SYNE2: variants seen among roughly 807,000 people sequenced by gnomAD.
SYNE2 encodes nesprin-2.
A neutral mutation model predicts 856.3 loss-of-function variants in SYNE2; 431 were observed. The observed-to-expected ratio is 0.50, with a 90% CI of 0.47 to 0.55. The LOEUF is 0.55. SYNE2 is among the 20% of genes least tolerant of loss of function. SYNE2 has a pLI of 0.00. For synonymous variants in SYNE2, 2,923 were observed against 2,872.3 expected, an observed-to-expected ratio of 1.02 and a Z score of -0.56; for missense variants, 8,129 against 8,023.2, an observed-to-expected ratio of 1.01 and a Z score of -0.50.
In SYNE2 at chr14:64,224,404, A is replaced by G; in HGVS notation, c.20383-57A>G. ...AAGGTAGGGGAGGGTGAGCTATATC[A>G]TGAAGAATATGCATGAAACACATTT... On this transcript the variant is annotated intron_variant, in intron 113 of 115. Coordinates refer to ENST00000555002, the MANE Select transcript of SYNE2 (RefSeq NM_182914.3). 3.1e-6 allele frequency: 4 copies of G among 1,298,496 alleles called. 1 individual carries two copies. The East Asian group carries it at 9.0e-5, about 29-fold the overall frequency. The allele number at this position is 1,298,496 out of a possible 1,614,324, so 80.4% of individuals were successfully genotyped here. A position where few individuals can be genotyped will look rare whatever the true frequency, so the allele number is the denominator to read the frequency against.
Position 63,983,774 on chromosome 14 carries a change from A to C in SYNE2, c.2039A>C (p.Gln680Pro). 6.2e-7 allele frequency: 1 copy of C among 1,613,300 alleles called. No individual in the cohort carries two copies. The highest frequency in any genetic ancestry group is 8.5e-7 in the Non-Finnish European group (1 of 1,179,458). The stretch of plus-strand genomic sequence containing the variant: ...CCACTGATGATAAAAAAACAGGATC[A>C]GCCCACTTTTGACAATTCTGGAAAT... ...NLPLMIKKQD[Q>P]PTFDNSGNIL... is the part of the protein sequence containing the mutation. The change falls in exon 18 of 116, where the codon CAG becomes CCG. Residue 680 changes from glutamine to proline, a missense_variant. Gln to Pro is a moderately conservative substitution (Grantham distance 76). This residue lies in a region of SYNE2 where 2,422 missense variants were observed against 2,357.4 expected (regional missense o/e 1.03). Transcript: ENST00000555002.
intron 61 of SYNE2, among the ~76,000 whole-genome samples, chr14:64,095,803 C>A (rs979732617): frequency 6.6e-6 from 1 of 152,058 alleles, no homozygotes; most frequent in Non-Finnish European, 1.5e-5. Flanking sequence ...AAAAATGTTG[C>A]CTCCCCTCCC....
chr14:63,998,410 A>G lies in SYNE2; in HGVS notation c.3353+82A>G, dbSNP rs2096729200. 7 of 951,588 alleles carry G rather than the reference A, an allele frequency of 7.4e-6. No homozygotes were observed. The East Asian group carries it at 1.6e-4, about 21-fold the overall frequency. The allele number at this position is 951,588 out of a possible 1,614,324, so 58.9% of individuals were successfully genotyped here. On this transcript the variant is annotated intron_variant, in intron 26 of 115. Transcript: ENST00000555002. ...ACATGTTAGACTTTTTAAAAGTTTT[A>G]TTTTCATTTAGTCGTCATTTTGCAT...
At chr14:63,912,155 G>A (rs182282432) in intron 2 of SYNE2, among the ~76,000 whole-genome samples, 1 of 152,066 alleles carries the variant, frequency 6.6e-6, no homozygotes. Context: ...TAAGATGAAG[G>A]CTTTACGGCG....
intron 1 of SYNE2, among the ~76,000 whole-genome samples, chr14:63,869,659 A>G (rs923742073): frequency 1.3e-5 from 2 of 150,058 alleles, no homozygotes; most frequent in Admixed American, 6.7e-5. Flanking sequence ...AAAAAAAAAA[A>G]CTGCTCCCAA....
At chr14:63,903,958 C>T (rs139765244) in intron 1 of SYNE2, among the ~76,000 whole-genome samples, 42 of 152,140 alleles carry the variant, frequency 2.8e-4, no homozygotes, top group African/African-American at 9.4e-4. Flanking sequence ...TGTTTTTCAA[C>T]CCATGCTCCC....
intron 70 of SYNE2, among the ~76,000 whole-genome samples, chr14:64,123,897 T>A (rs2097916763): frequency 6.6e-6 from 1 of 151,882 alleles, no homozygotes; most frequent in African/African-American, 2.4e-5. Context: ...CCACCTTTTT[T>A]TTTTTTTTTT....
At position 63,976,540 on chromosome 14, in the gene SYNE2, CTT is replaced by C. The variant is rs34440267; in HGVS notation, c.1129-5_1129-4del. ...GAAAAGTTCTACTGAAGAATATGTT[CTT>C]TTTTTTTTTTTTTTTTTCAGATTAA... On this transcript the variant is annotated intron_variant, in intron 11 of 115. Transcript: ENST00000555002. 142,137 of 1,327,280 alleles carry C rather than the reference CTT, an allele frequency of 0.11. 725 individuals carry two copies. Among genetic ancestry groups the C allele is most frequent in the African/African-American group, 0.17 (9,501 of 56,276 alleles). The allele number at this position is 1,327,280 out of a possible 1,614,324, so 82.2% of individuals were successfully genotyped here.
intron 98 of SYNE2, 89 bp downstream of exon 98, chr14:64,188,797 A>C: frequency 7.3e-7 from 1 of 1,374,018 alleles, no homozygotes; most frequent in Non-Finnish European, 1.0e-6. Flanking sequence ...GGGCAATGTT[A>C]CGGGTGTTTC....
chr14:64,055,155 T>G (rs2097258674), intron 48 of SYNE2, among the ~76,000 whole-genome samples: 1 of 152,148 alleles, frequency 6.6e-6, no homozygotes, highest in Admixed American at 6.5e-5. Context: ...GCAGAGAAAT[T>G]AGTTTAAAAA....
intron 57 of SYNE2, among the ~76,000 whole-genome samples, chr14:64,083,643 T>C (rs972736160): frequency 1.3e-5 from 2 of 152,204 alleles, no homozygotes; most frequent in African/African-American, 4.8e-5. Flanking sequence ...CCCAAATAAC[T>C]AGTCCTATGT....
chr14:63,806,871 TA>T (rs1302129620), intron 1 of SYNE2, among the ~76,000 whole-genome samples: 37 of 150,602 alleles, frequency 2.5e-4, no homozygotes, highest in African/African-American at 6.3e-4. Flanking sequence ...TTTTTAAACT[TA>T]AAATTTTTTT....
chr14:63,761,642 CTAA>C (rs1186366397), upstream of SYNE2, among the ~76,000 whole-genome samples: 3 of 152,178 alleles, frequency 2.0e-5, no homozygotes, highest in Admixed American at 2.0e-4. Flanking sequence ...GAATACTTCT[CTAA>C]TGAGGGACTT....
At chr14:64,066,686 T>C (rs1370098337) in intron 51 of SYNE2, among the ~76,000 whole-genome samples, 1 of 152,238 alleles carries the variant, frequency 6.6e-6, no homozygotes, top group Non-Finnish European at 1.5e-5. Flanking sequence ...ACACTTTTGG[T>C]TGGGGCTGCT....
At chr14:64,123,562 G>A (rs2097914354) in intron 70 of SYNE2, among the ~76,000 whole-genome samples, 1 of 152,128 alleles carries the variant, frequency 6.6e-6, no homozygotes, top group Non-Finnish European at 1.5e-5. Flanking sequence ...TTGCAAACAG[G>A]AGAACTCCAC....
At chr14:63,926,935 A>T (rs1218071298) in intron 2 of SYNE2, among the ~76,000 whole-genome samples, 1 of 152,208 alleles carries the variant, frequency 6.6e-6, no homozygotes, top group Non-Finnish European at 1.5e-5. Context: ...CATGACTAGA[A>T]GTTAACTGGT....
chr14:64,110,974 A>C (rs952899992), intron 65 of SYNE2, among the ~76,000 whole-genome samples: 2 of 152,102 alleles, frequency 1.3e-5, no homozygotes, highest in Admixed American at 1.3e-4. Flanking sequence ...TCAAATAACT[A>C]GCAAAAAAAA....
In SYNE2 at chr14:64,225,505, C is replaced by T; in HGVS notation, c.20703C>T (p.Thr6901=). Residue 6901 remains threonine (T), a synonymous_variant, in exon 116 of 116, where the codon ACC becomes ACT. Coordinates refer to ENST00000555002, the MANE Select transcript of SYNE2 (RefSeq NM_182914.3). ...CCTTTTACCCCATGCTGAGGTACACCAATGGGCCACCCCCCACATAGAGGG... is the reference window on the plus strand; with the variant it reads ...CCTTTTACCCCATGCTGAGGTACACTAATGGGCCACCCCCCACATAGAGGG... The part of the protein sequence containing the change: ...ARSFYPMLRY[T]NGPPPT The T allele has an allele frequency of 1.2e-6, 2 of 1,614,134 alleles. No individual in the cohort carries two copies. Among genetic ancestry groups the T allele is most frequent in the South Asian group, 1.1e-5 (1 of 91,052 alleles).
At chr14:64,201,161 A>G (rs560544953) in intron 99 of SYNE2, among the ~76,000 whole-genome samples, 1 of 152,294 alleles carries the variant, frequency 6.6e-6, no homozygotes, top group South Asian at 2.1e-4. Context: ...AGATGGGAGA[A>G]TGGAACTTGG....
Sources: allele counts gnomAD v4.1 joint callset (sites outside exome capture counted in the v4.1 genomes callset), GRCh38; gene constraint gnomAD v4.1.1; regional missense constraint gnomAD v4.1.1; transcripts MANE v1.5; gene names NCBI Gene and HGNC (gene_info 2026-07-23, HGNC 2026-07-21).